ADCY10: variants seen among roughly 807,000 people sequenced by gnomAD.
ADCY10 encodes adenylate cyclase type 10.
In ADCY10, 156 loss-of-function variants were observed where a neutral mutation model predicts 183.3. The ratio of observed to expected loss-of-function variants is 0.85; its 90% CI spans 0.75 to 0.97. ADCY10 has a LOEUF of 0.97. ADCY10 is among the 50% of genes least tolerant of loss of function. ADCY10 has a pLI of 0.00. For missense variants in ADCY10, 1,745 were observed against 1,934.3 expected (o/e 0.90, Z 1.84); for synonymous variants, 645 against 670.0 (o/e 0.96, Z 0.58).
intron 26 of ADCY10, among the ~76,000 whole-genome samples, chr1:167,828,010 C>T (rs945637803): frequency 8.2e-4 from 124 of 152,062 alleles, no homozygotes; most frequent in African/African-American, 2.7e-3. Context: ...CACCATGCCC[C>T]GCTAATATCC....
Position 167,834,079 on chromosome 1 carries a change from T to C in ADCY10, c.3310-2A>G, listed in dbSNP as rs754793633. ...TCCTTCATTCAAATACATGTATGCCTGTAACCAGCCCAAGGAGTAGAAAAG... is the reference window on the plus strand; with the variant it reads ...TCCTTCATTCAAATACATGTATGCCCGTAACCAGCCCAAGGAGTAGAAAAG... On this transcript the variant is annotated splice_acceptor_variant, in intron 23 of 32. Coordinates refer to ENST00000367851, the MANE Select transcript of ADCY10 (RefSeq NM_018417.6). LOFTEE classifies it high-confidence loss of function. 1.2e-6 allele frequency: 2 copies of C among 1,609,410 alleles called. No individual in the cohort carries two copies. Among genetic ancestry groups the C allele is most frequent in the South Asian group, 1.1e-5 (1 of 90,968 alleles).
intron 21 of ADCY10, among the ~76,000 whole-genome samples, chr1:167,844,041 G>GT (rs759013333): frequency 6.6e-6 from 1 of 152,118 alleles, no homozygotes; most frequent in East Asian, 1.9e-4. Flanking sequence ...AGCATTAGTT[G>GT]TATCTTGGTG....
intron 1 of ADCY10, among the ~76,000 whole-genome samples, chr1:167,909,847 C>T (rs1365953912): frequency 6.6e-6 from 1 of 152,180 alleles, no homozygotes. Context: ...GGCCATTTCT[C>T]TTACTGTCTC....
rs191885490 is a variant in ADCY10, at chr1:167,820,117, T to C, written c.4287-1850A>G. On this transcript the variant is annotated intron_variant, in intron 30 of 32. Transcript: ENST00000367851. ...TTGTCCTGACATCAACGTTTCCTTT[T>C]GGACCATGACTCAGCTTTTTGGATC... 3.5e-5 allele frequency: 54 copies of C among 1,563,592 alleles called. 1 individual carries two copies. In the Admixed American group the frequency reaches 5.8e-4, roughly 17 times the overall value.
At chr1:167,861,163 A>G in intron 14 of ADCY10, 100 bp from the exon 15 acceptor site, 3 of 1,018,878 alleles carry the variant, frequency 2.9e-6, no homozygotes, top group East Asian at 5.2e-5. Flanking sequence ...ATATTCAGCT[A>G]TAATGATGGA....
At chr1:167,844,202 G>A (rs1032113070) in intron 21 of ADCY10, among the ~76,000 whole-genome samples, 20 of 152,140 alleles carry the variant, frequency 1.3e-4, no homozygotes, top group Non-Finnish European at 2.4e-4. Flanking sequence ...ACATTCCCCT[G>A]ACATCTTCCC....
At chr1:167,836,100 T>C (rs1664171943) in intron 23 of ADCY10, among the ~76,000 whole-genome samples, 2 of 152,230 alleles carry the variant, frequency 1.3e-5, no homozygotes, top group South Asian at 2.1e-4. Flanking sequence ...ATATTTTAAA[T>C]AATTTACAAT....
At chr1:167,836,036 C>A (rs1664167638) in intron 23 of ADCY10, among the ~76,000 whole-genome samples, 1 of 152,124 alleles carries the variant, frequency 6.6e-6, no homozygotes, top group African/African-American at 2.4e-5. Context: ...ATGAGATGTG[C>A]CCCCTTACCT....
chr1:167,817,720 T>C (rs1478003273), intron 31 of ADCY10, among the ~76,000 whole-genome samples: 2 of 152,248 alleles, frequency 1.3e-5, no homozygotes, highest in African/African-American at 2.4e-5. Flanking sequence ...TACAATCATA[T>C]ATCTGTAAGA....
At chr1:167,911,816 ATTG>A (rs1374059516) in intron 1 of ADCY10, among the ~76,000 whole-genome samples, 2 of 152,192 alleles carry the variant, frequency 1.3e-5, no homozygotes, top group Admixed American at 6.5e-5. Flanking sequence ...GAATTAGATG[ATTG>A]TTAAGATTCT....
At chr1:167,877,440 G>A (rs1292969939) in intron 12 of ADCY10, among the ~76,000 whole-genome samples, 1 of 151,534 alleles carries the variant, frequency 6.6e-6, no homozygotes, top group Non-Finnish European at 1.5e-5. Context: ...TGCAGCCCTG[G>A]TTCTGTTATC....
intron 13 of ADCY10, 100 bp from the exon 14 acceptor site, chr1:167,870,510 G>A: frequency 9.0e-7 from 1 of 1,110,916 alleles, no homozygotes; most frequent in South Asian, 1.4e-5. Context: ...AAATATCCTT[G>A]GGCCAGGCGC....
In ADCY10 at chr1:167,823,035, C is replaced by T. The variant is rs1663013336; in HGVS notation, c.4141G>A (p.Val1381Ile). ...GAATAAAGCAGGATGTCCAAGCAGA[C>T]AAAATAGAAAAATGCCTTGCTGAAG... ...HIFSKAFFYFVCLDILLYSGF... is the reference protein window; with the variant it reads ...HIFSKAFFYFICLDILLYSGF... The change falls in exon 29 of 33, where the codon GTC (valine) becomes ATC (isoleucine). Residue 1381 changes from valine (V) to isoleucine (I), a missense_variant. Physicochemically the swap from Val to Ile is conservative, Grantham distance 29. Transcript: ENST00000367851. The T allele has an allele frequency of 6.2e-7, 1 of 1,613,968 alleles. No individual in the cohort carries two copies. The highest frequency in any genetic ancestry group is 1.1e-5 in the South Asian group (1 of 91,084).
chr1:167,833,846 T>A, intron 24 of ADCY10, 124 bp downstream of exon 24: 2 of 763,920 alleles, frequency 2.6e-6, no homozygotes, highest in Non-Finnish European at 4.4e-6. Context: ...GTTTCTAGAG[T>A]CTTGGCTAGA....
At chr1:167,888,685 G>A (rs1283581743) in intron 8 of ADCY10, among the ~76,000 whole-genome samples, 2 of 151,956 alleles carry the variant, frequency 1.3e-5, no homozygotes, top group Non-Finnish European at 2.9e-5. Flanking sequence ...GACCATCCTG[G>A]CTAACACGGT....
chr1:167,848,617 A>C, intron 18 of ADCY10, 128 bp from the exon 19 acceptor site: 1 of 1,045,016 alleles, frequency 9.6e-7, no homozygotes. Flanking sequence ...GGCTCACCAA[A>C]TATTCTGGAA....
In ADCY10 at chr1:167,878,311, G is replaced by C; in HGVS notation, c.1406+135C>G. ...GGAAAGATTAAGGATTTTGAAGTCT[G>C]GGCCTTGGTCTGGGGAAAGCATAGA... On this transcript the variant is annotated intron_variant, in intron 12 of 32. Transcript: ENST00000367851. The C allele has an allele frequency of 1.8e-5, 17 of 936,088 alleles. No homozygotes were observed. In the South Asian group the frequency reaches 2.1e-4, roughly 12 times the overall value. The allele number at this position is 936,088 out of a possible 1,614,324, so 58.0% of individuals were successfully genotyped here.
chr1:167,898,326 C>T (rs1036060368), intron 6 of ADCY10, among the ~76,000 whole-genome samples: 4 of 151,964 alleles, frequency 2.6e-5, no homozygotes, highest in African/African-American at 4.8e-5. Flanking sequence ...AGAGGCTGGG[C>T]GTGGTGGCTT....
intron 1 of ADCY10, among the ~76,000 whole-genome samples, chr1:167,910,015 C>A (rs60975248): frequency 0.11 from 17,218 of 152,150 alleles, 1,150 homozygotes; most frequent in African/African-American, 0.18. Context: ...TATTATGACC[C>A]TTTCACGTGG....
Sources: allele counts gnomAD v4.1 joint callset (sites outside exome capture counted in the v4.1 genomes callset), GRCh38; gene constraint gnomAD v4.1.1; transcripts MANE v1.5; gene names NCBI Gene and HGNC (gene_info 2026-07-23, HGNC 2026-07-21).